Variants in ANO3 observed in about 807,000 individuals in gnomAD.
ANO3 encodes anoctamin 3, also known as anoctamin-3.
A neutral mutation model predicts 144.8 loss-of-function variants in ANO3; 99 were observed. The ratio of observed to expected loss-of-function variants is 0.68; its 90% CI spans 0.58 to 0.81. The LOEUF is 0.81. ANO3 is among the 30% of genes least tolerant of loss of function. The pLI, the probability that ANO3 is intolerant of heterozygous loss-of-function variation, is 0.00. For missense variants in ANO3, 905 were observed against 1,202.2 expected (o/e 0.75, Z 3.66); for synonymous variants, 414 against 392.6 (o/e 1.05, Z -0.64).
chr11:26,602,578 CT>C (rs1851828672), intron 17 of ANO3, among the ~76,000 whole-genome samples: 1 of 78,334 alleles, frequency 1.3e-5, no homozygotes, highest in East Asian at 5.2e-4. Context: ...GTTTTTTTTT[CT>C]TTTCTTTTCT....
intron 1 of ANO3, among the ~76,000 whole-genome samples, chr11:26,194,821 C>T (rs1851552858): frequency 6.6e-6 from 1 of 152,050 alleles, no homozygotes; most frequent in African/African-American, 2.4e-5. Context: ...TAGCCTTGGC[C>T]TTGCAAAGTG....
At chr11:26,455,054 G>A (rs1330629166) in intron 3 of ANO3, among the ~76,000 whole-genome samples, 2 of 151,958 alleles carry the variant, frequency 1.3e-5, no homozygotes, top group African/African-American at 4.8e-5. Flanking sequence ...CAATAAATTA[G>A]GTATTGATGG....
intron 7 of ANO3, 151 bp downstream of exon 7, chr11:26,525,830 A>C: frequency 1.7e-6 from 1 of 587,584 alleles, no homozygotes; most frequent in Non-Finnish European, 3.0e-6. Context: ...CTTATGCCAA[A>C]TCGAATAACA....
At chr11:26,383,280 A>G (rs951856110) in intron 1 of ANO3, among the ~76,000 whole-genome samples, 5 of 152,140 alleles carry the variant, frequency 3.3e-5, no homozygotes, top group Non-Finnish European at 5.9e-5. Flanking sequence ...TTTTTAAACA[A>G]TGAAGCTTAA....
At chr11:26,548,097 C>T (rs769719409) in intron 12 of ANO3, among the ~76,000 whole-genome samples, 6 of 151,930 alleles carry the variant, frequency 3.9e-5, no homozygotes, top group Non-Finnish European at 7.4e-5. Flanking sequence ...CTCCTGAGTA[C>T]GTGACAAAAC....
intron 1 of ANO3, among the ~76,000 whole-genome samples, chr11:26,220,198 T>C (rs184616662): frequency 3.3e-5 from 5 of 152,310 alleles, no homozygotes; most frequent in Non-Finnish European, 4.4e-5. Flanking sequence ...GAGGTAAAGA[T>C]TGGTCTCATC....
intron 1 of ANO3, among the ~76,000 whole-genome samples, chr11:26,203,180 A>G (rs1301910340): frequency 6.6e-6 from 1 of 152,144 alleles, no homozygotes; most frequent in Non-Finnish European, 1.5e-5. Context: ...CTCTTGAAAT[A>G]TAACACAGGT....
intron 14 of ANO3, among the ~76,000 whole-genome samples, chr11:26,586,460 C>T: frequency 7.8e-6 from 1 of 127,866 alleles, no homozygotes. Context: ...CTTGATTGTT[C>T]AATATATAAA....
rs575173909 is a variant in ANO3 at position 26,565,283 on chromosome 11, G to A, written c.1447+5504G>A. On this transcript the variant is annotated intron_variant, in intron 14 of 26. Transcript: ENST00000256737. ...ACCCAGTGAAGCTATCACTGTTTGT[G>A]GTAAGCCATCCACTTGGTTCCACTA... The A allele has an allele frequency of 4.4e-6, 7 of 1,605,408 alleles. No homozygotes were observed. The African/African-American group carries it at 9.4e-5, about 22-fold the overall frequency.
intron 1 of ANO3, among the ~76,000 whole-genome samples, chr11:26,294,254 G>C (rs551275863): frequency 1.3e-5 from 2 of 152,118 alleles, no homozygotes; most frequent in African/African-American, 2.4e-5. Context: ...CATGAATTCC[G>C]TAAGACTGTT....
At chr11:26,323,179 C>G (rs984697931) in intron 1 of ANO3, among the ~76,000 whole-genome samples, 4 of 152,022 alleles carry the variant, frequency 2.6e-5, no homozygotes, top group African/African-American at 9.7e-5. Flanking sequence ...CTGCCCTAGA[C>G]CTGAAATCAT....
chr11:26,642,011 G>T lies in ANO3; in HGVS notation c.2257G>T (p.Asp753Tyr), dbSNP rs1239854158. 6.2e-7 allele frequency: 1 copy of T among 1,613,488 alleles called. No homozygotes were observed. The highest frequency in any genetic ancestry group is 1.3e-5 in the African/African-American group (1 of 74,984). Residue 753 changes from aspartate (D) to tyrosine (Y), a missense_variant, in exon 22 of 27, where the codon GAT (aspartate) becomes TAT (tyrosine). By Grantham distance (160) the Asp-to-Tyr change is radical (BLOSUM62 -3). This residue lies in a region of ANO3 where 597 missense variants were observed against 865.1 expected (regional missense o/e 0.69). Transcript: ENST00000256737. ...LQPMNLHGLM[D>Y]EYLEMVLQFG... ...GCCCATGAACCTTCATGGACTGATG[G>T]ATGAGTACTTAGAAATGGGTAAGGA...
intron 17 of ANO3, among the ~76,000 whole-genome samples, chr11:26,600,730 G>A (rs1851780012): frequency 6.9e-6 from 1 of 144,910 alleles, no homozygotes; most frequent in Non-Finnish European, 1.5e-5. Context: ...ACTGTTTTTT[G>A]CCTAACTATA....
At chr11:26,408,244 C>T (rs1361420203) in intron 1 of ANO3, among the ~76,000 whole-genome samples, 14 of 151,792 alleles carry the variant, frequency 9.2e-5, no homozygotes, top group South Asian at 2.1e-4. Context: ...GGGCTAATAT[C>T]CAGAATCTAC....
chr11:26,409,956 A>AATT (rs1286340739), intron 1 of ANO3, among the ~76,000 whole-genome samples: 179 of 152,106 alleles, frequency 1.2e-3, no homozygotes, highest in African/African-American at 4.2e-3. Flanking sequence ...TTTCTACACG[A>AATT]TTGTAAGCTG....
At chr11:26,448,465 C>T (rs572752225) in intron 3 of ANO3, among the ~76,000 whole-genome samples, 3 of 152,204 alleles carry the variant, frequency 2.0e-5, no homozygotes, top group Admixed American at 6.5e-5. Flanking sequence ...AGTTCTGAAA[C>T]ATTTATTTGC....
chr11:26,635,714 A>T (rs1260734490), intron 20 of ANO3, among the ~76,000 whole-genome samples: 3 of 152,212 alleles, frequency 2.0e-5, no homozygotes, highest in African/African-American at 4.8e-5. Context: ...AATGAGATGG[A>T]TAATATTTTT....
intron 22 of ANO3, among the ~76,000 whole-genome samples, chr11:26,642,326 TTTTC>T (rs1379939002): frequency 4.2e-4 from 61 of 145,908 alleles, no homozygotes; most frequent in Middle Eastern, 3.5e-3. Context: ...TTCTTTTCCT[TTTTC>T]TTTCTTTCTT....
At chr11:26,560,937 CT>C (rs1850263591) in intron 14 of ANO3, 1 of 915,992 alleles carries the variant, frequency 1.1e-6, no homozygotes, top group Non-Finnish European at 1.6e-6. Flanking sequence ...TACTGGTCTC[CT>C]GCTTTTATGA....
Sources: allele counts gnomAD v4.1 joint callset (sites outside exome capture counted in the v4.1 genomes callset), GRCh38; gene constraint gnomAD v4.1.1; regional missense constraint gnomAD v4.1.1; transcripts MANE v1.5; gene names NCBI Gene and HGNC (gene_info 2026-07-23, HGNC 2026-07-21).